The following CDH18 variants were observed in gnomAD, a reference collection of about 807,000 sequenced individuals.
CDH18 encodes the protein cadherin-18.
In CDH18, 31 loss-of-function variants were observed where a neutral mutation model predicts 67.9. The ratio of observed to expected loss-of-function variants is 0.46; its 90% CI spans 0.34 to 0.62. The LOEUF is 0.62. Ranked by LOEUF, CDH18 falls within the 20% of genes least tolerant of loss-of-function variation. The probability of loss-of-function intolerance (pLI) is 0.01; values close to 1 mark genes in which losing one functional copy is unlikely to be tolerated. For missense variants in CDH18, 890 were observed against 975.5 expected (o/e 0.91, Z 1.17); for synonymous variants, 362 against 347.2 (o/e 1.04, Z -0.48).
intron 1 of CDH18, among the ~76,000 whole-genome samples, chr5:20,446,747 G>T (rs867118016): frequency 1.3e-5 from 2 of 152,056 alleles, no homozygotes; most frequent in Admixed American, 6.5e-5. Context: ...AATTTAAAAA[G>T]GCACATCAGT....
rs143583990 is a variant in CDH18, at chr5:19,569,155, A to T, written c.1253+2424T>A. On this transcript the variant is annotated intron_variant, in intron 8 of 12. Coordinates refer to ENST00000382275, the MANE Select transcript of CDH18 (RefSeq NM_004934.5). ...CCCTATTGGCATTGCTGCCAGGATT[A>T]ATTTCAAAGACCTTACCATTGCAGA... 3.3e-5 allele frequency among the ~76,000 whole-genome samples: 5 copies of T among 152,304 alleles called. No homozygotes were observed. The South Asian group carries it at 8.3e-4, about 25-fold the overall frequency.
At position 19,878,354 on chromosome 5, in the gene CDH18, G is replaced by A. The variant is rs527446159; in HGVS notation, c.-256-39112C>T. On this transcript the variant is annotated intron_variant, in intron 2 of 12. Coordinates refer to ENST00000382275, the MANE Select transcript of CDH18 (RefSeq NM_004934.5). The stretch of plus-strand genomic sequence containing the variant: ...TACAAACTGGAGTTAGTACTAGAAC[G>A]TATTTATATTATTCTTTGCTACAAT... Among the ~76,000 whole-genome samples, 13 of 152,090 alleles carry A rather than the reference G, an allele frequency of 8.5e-5. No individual in the cohort carries two copies. In the South Asian group the frequency reaches 1.9e-3, roughly 22 times the overall value.
At chr5:20,268,949 G>A (rs1745240959) in intron 1 of CDH18, among the ~76,000 whole-genome samples, 1 of 152,080 alleles carries the variant, frequency 6.6e-6, no homozygotes, top group South Asian at 2.1e-4. Context: ...CCTGTTGAAT[G>A]GGAGAAAATA....
intron 4 of CDH18, among the ~76,000 whole-genome samples, chr5:19,722,525 AC>A (rs1351108909): frequency 6.7e-6 from 1 of 150,190 alleles, no homozygotes; most frequent in Non-Finnish European, 1.5e-5. Context: ...CTTTGTGCTT[AC>A]TTTTTAAAAC....
At chr5:19,904,522 T>C (rs1033810195) in intron 2 of CDH18, among the ~76,000 whole-genome samples, 4 of 152,044 alleles carry the variant, frequency 2.6e-5, no homozygotes, top group Admixed American at 1.3e-4. Flanking sequence ...TAGGGAAATG[T>C]TATTATCAGA....
In CDH18 at chr5:19,490,562, G is replaced by A. The variant is rs182376166; in HGVS notation, c.1631-7010C>T. 8.2e-3 allele frequency among the ~76,000 whole-genome samples: 1,248 copies of A among 151,488 alleles called. 12 individuals carry two copies. Among genetic ancestry groups the A allele is most frequent in the South Asian group, 0.031 (149 of 4,780 alleles). ...CCCAAGTAGCTGGGACTACAGGCGTGCACCACCACACCCAGCTAATTTTTA... is the reference window on the plus strand; with the variant it reads ...CCCAAGTAGCTGGGACTACAGGCGTACACCACCACACCCAGCTAATTTTTA... On this transcript the variant is annotated intron_variant, in intron 11 of 12. Transcript: ENST00000382275.
rs1322764750 is a variant in CDH18 at position 19,502,980 on chromosome 5, A to G, written c.1630+12T>C. The G allele has an allele frequency of 2.1e-6, 3 of 1,405,774 alleles. No homozygotes were observed. The highest frequency in any genetic ancestry group is 4.6e-5 in the East Asian group (2 of 43,912). The allele number at this position is 1,405,774 out of a possible 1,614,324, so 87.1% of individuals were successfully genotyped here. A position where few individuals can be genotyped will look rare whatever the true frequency, so the allele number is the denominator to read the frequency against. ...ACCACATAGATAAACAAATATGTGT[A>G]TATATGTTCACCTTCATTGTCCTTC... On this transcript the variant is annotated intron_variant, in intron 11 of 12. Coordinates refer to ENST00000382275, the MANE Select transcript of CDH18 (RefSeq NM_004934.5).
chr5:20,433,232 A>G (rs1484232940), intron 1 of CDH18, among the ~76,000 whole-genome samples: 2 of 134,010 alleles, frequency 1.5e-5, no homozygotes, highest in Non-Finnish European at 3.2e-5. Flanking sequence ...TTAAGGTAAA[A>G]TATATATATA....
chr5:19,829,346 T>C (rs1780771680), intron 3 of CDH18, among the ~76,000 whole-genome samples: 1 of 152,188 alleles, frequency 6.6e-6, no homozygotes, highest in Non-Finnish European at 1.5e-5. Context: ...CTAAGTCTGA[T>C]AAACAACTTA....
rs560336500 is a variant in CDH18 at position 20,424,349 on chromosome 5, T to C, written c.-580+151113A>G. Among the ~76,000 whole-genome samples the C allele has an allele frequency of 1.3e-5, 2 of 150,938 alleles. 1 individual carries two copies. Among genetic ancestry groups the C allele is most frequent in the African/African-American group, 5.0e-5 (2 of 40,328 alleles). On this transcript the variant is annotated intron_variant, in intron 1 of 14. Transcript: ENST00000507958. ...GTTTTTTCCAACAGCACCATCATAT[T>C]ATCATACAAATGTGAAGGAAAGAAC... is the stretch of plus-strand genomic sequence containing the variant.
At chr5:20,492,399 T>C (rs1753647967) in intron 1 of CDH18, among the ~76,000 whole-genome samples, 1 of 152,170 alleles carries the variant, frequency 6.6e-6, no homozygotes, top group Admixed American at 6.5e-5. Flanking sequence ...ACAATTATAA[T>C]TTAAAATAAC....
intron 2 of CDH18, among the ~76,000 whole-genome samples, chr5:20,157,861 C>A (rs991017684): frequency 1.3e-5 from 2 of 151,914 alleles, no homozygotes; most frequent in East Asian, 3.9e-4. Flanking sequence ...AGGATGGTCT[C>A]GATCTCCTGA....
intron 4 of CDH18, among the ~76,000 whole-genome samples, chr5:19,730,557 C>T (rs879898307): frequency 6.6e-6 from 1 of 152,128 alleles, no homozygotes; most frequent in Admixed American, 6.5e-5. Context: ...ATTTAAATTT[C>T]ATATGCATCT....
chr5:20,551,222 C>T (rs1178699358), intron 1 of CDH18, among the ~76,000 whole-genome samples: 4 of 151,802 alleles, frequency 2.6e-5, no homozygotes, highest in East Asian at 1.9e-4. Context: ...GTTTTTTTCT[C>T]CTTATCCTTT....
intron 1 of CDH18, among the ~76,000 whole-genome samples, chr5:20,473,231 C>T (rs1355095877): frequency 1.3e-5 from 2 of 151,794 alleles, no homozygotes; most frequent in East Asian, 3.9e-4. Context: ...AAAACAAAAA[C>T]AAAAAATTAA....
intron 2 of CDH18, among the ~76,000 whole-genome samples, chr5:19,870,416 T>C (rs770120800): frequency 2.6e-5 from 4 of 152,164 alleles, no homozygotes; most frequent in South Asian, 2.1e-4. Flanking sequence ...GTTACATTAA[T>C]TTTTTCACCA....
At chr5:19,488,851 C>T (rs1466041133) in intron 11 of CDH18, among the ~76,000 whole-genome samples, 1 of 152,120 alleles carries the variant, frequency 6.6e-6, no homozygotes, top group African/African-American at 2.4e-5. Context: ...TATTCTCTGA[C>T]TTCCCTTTCT....
chr5:19,541,403 C>T (rs1165961228), intron 9 of CDH18, among the ~76,000 whole-genome samples: 3 of 152,096 alleles, frequency 2.0e-5, no homozygotes, highest in Admixed American at 1.3e-4. Flanking sequence ...CTGACTGTTA[C>T]CCGATTCCAA....
At chr5:20,362,520 T>C (rs1742165951) in intron 1 of CDH18, among the ~76,000 whole-genome samples, 1 of 152,150 alleles carries the variant, frequency 6.6e-6, no homozygotes, top group African/African-American at 2.4e-5. Context: ...TCTGAGAGAA[T>C]GTTTTAAAGT....
Sources: allele counts gnomAD v4.1 joint callset (sites outside exome capture counted in the v4.1 genomes callset), GRCh38; gene constraint gnomAD v4.1.1; transcripts MANE v1.5; gene names NCBI Gene and HGNC (gene_info 2026-07-23, HGNC 2026-07-21).